ANO3: variants seen among roughly 807,000 people sequenced by gnomAD.
ANO3 encodes the protein anoctamin-3.
ANO3 carries 99 observed loss-of-function variants against 144.8 expected under a neutral mutation model. That is an observed-to-expected ratio of 0.68 (90% CI 0.58 to 0.81). ANO3 has a LOEUF of 0.81. Ranked by LOEUF, ANO3 falls within the 30% of genes least tolerant of loss-of-function variation. ANO3 has a pLI of 0.00. For synonymous variants in ANO3, 414 were observed against 392.6 expected (o/e 1.05, Z -0.64); for missense variants, 905 against 1,202.2 (o/e 0.75, Z 3.66).
chr11:26,547,407 C>T lies in ANO3; in HGVS notation c.1155-9C>T. 1 of 1,610,588 alleles carries T rather than the reference C, an allele frequency of 6.2e-7. No individual in the cohort carries two copies. Among genetic ancestry groups the T allele is most frequent in the South Asian group, 1.1e-5 (1 of 90,882 alleles). The stretch of plus-strand genomic sequence containing the variant: ...TTAACTCAGTCTAAGGATTTGCTTT[C>T]TCATGCAGGCTATACTTTGGTGAGA... On this transcript the variant is annotated splice_polypyrimidine_tract_variant and intron_variant, in intron 11 of 26. Coordinates refer to ENST00000256737, the MANE Select transcript of ANO3 (RefSeq NM_031418.4).
rs370456230 is a variant in ANO3 at position 26,262,652 on chromosome 11, G to A, written c.155-46993G>A. On this transcript the variant is annotated intron_variant, in intron 1 of 27. Coordinates refer to the ANO3 transcript ENST00000672621. ...TAATGGTATTGGGAGACAGTATTAGGACCTGTGAGAAGGCATTAGGTCGGA... is the reference window on the plus strand; with the variant it reads ...TAATGGTATTGGGAGACAGTATTAGAACCTGTGAGAAGGCATTAGGTCGGA... 2.0e-5 allele frequency among the ~76,000 whole-genome samples: 3 copies of A among 151,868 alleles called. No homozygotes were observed. In the East Asian group the frequency reaches 5.8e-4, roughly 29 times the overall value.
intron 1 of ANO3, among the ~76,000 whole-genome samples, chr11:26,302,313 G>A (rs919138504): frequency 2.0e-4 from 30 of 152,112 alleles, no homozygotes; most frequent in African/African-American, 6.5e-4. Flanking sequence ...TGGCCAACAC[G>A]GTGAAACCCC....
At chr11:26,460,255 T>C in intron 3 of ANO3, 1 of 297,966 alleles carries the variant, frequency 3.4e-6, no homozygotes, top group Non-Finnish European at 6.5e-6. Context: ...TAAGCATTTA[T>C]TGAAAAATTT....
At chr11:26,473,875 A>G (rs1859867929) in intron 4 of ANO3, 1 of 939,274 alleles carries the variant, frequency 1.1e-6, no homozygotes. Context: ...AGATGTTCTT[A>G]TAAAGAGATG....
intron 4 of ANO3, among the ~76,000 whole-genome samples, chr11:26,474,887 A>C (rs1012519820): frequency 2.0e-5 from 3 of 151,834 alleles, no homozygotes; most frequent in African/African-American, 7.2e-5. Context: ...GTGATGAGAA[A>C]AGTTCTACTC....
At chr11:26,419,343 A>G (rs1011304929) in intron 1 of ANO3, among the ~76,000 whole-genome samples, 1 of 152,256 alleles carries the variant, frequency 6.6e-6, no homozygotes, top group South Asian at 2.1e-4. Context: ...GTGTGGAATT[A>G]TGCTCTCAGA....
At chr11:26,342,738 C>A (rs1855396937) in intron 1 of ANO3, among the ~76,000 whole-genome samples, 2 of 152,176 alleles carry the variant, frequency 1.3e-5, no homozygotes, top group South Asian at 4.1e-4. Flanking sequence ...AAAGATGATC[C>A]ATTCCATGGA....
intron 1 of ANO3, among the ~76,000 whole-genome samples, chr11:26,333,258 A>G (rs1855103510): frequency 6.6e-6 from 1 of 150,554 alleles, no homozygotes; most frequent in Non-Finnish European, 1.5e-5. Flanking sequence ...TCTTTCATCA[A>G]CAGTTGTTTT....
chr11:26,317,708 C>T (rs370898542), intron 1 of ANO3, among the ~76,000 whole-genome samples: 7 of 152,120 alleles, frequency 4.6e-5, no homozygotes, highest in Non-Finnish European at 5.9e-5. Flanking sequence ...GGAGATTCCT[C>T]AAGGATCTAG....
At chr11:26,316,592 G>A (rs1303531901) in intron 1 of ANO3, among the ~76,000 whole-genome samples, 1 of 152,104 alleles carries the variant, frequency 6.6e-6, no homozygotes, top group East Asian at 1.9e-4. Flanking sequence ...TAGACAACCG[G>A]TTAGACCACA....
intron 4 of ANO3, among the ~76,000 whole-genome samples, chr11:26,496,390 A>G (rs190370158): frequency 1.3e-5 from 2 of 152,322 alleles, no homozygotes; most frequent in African/African-American, 4.8e-5. Context: ...GCTAATAAAA[A>G]GTCCACATTT....
intron 1 of ANO3, among the ~76,000 whole-genome samples, chr11:26,222,956 A>G (rs1852178751): frequency 6.6e-6 from 1 of 151,916 alleles, no homozygotes. Flanking sequence ...ATTATCTTTG[A>G]TATTAGCTGT....
chr11:26,277,989 T>C (rs1362801028), intron 1 of ANO3, among the ~76,000 whole-genome samples: 1 of 152,112 alleles, frequency 6.6e-6, no homozygotes, highest in African/African-American at 2.4e-5. Flanking sequence ...TGGTTTTCCT[T>C]GTAAGACATT....
intron 5 of ANO3, among the ~76,000 whole-genome samples, chr11:26,513,063 T>C (rs1357284140): frequency 6.7e-6 from 1 of 149,898 alleles, no homozygotes. Context: ...AAAAATACTA[T>C]AGAAAAAAAA....
chr11:26,413,163 G>T lies in ANO3; in HGVS notation c.47-28755G>T, dbSNP rs565634271. Among the ~76,000 whole-genome samples, 106 of 152,056 alleles carry T rather than the reference G, an allele frequency of 7.0e-4. 1 individual carries two copies. Among genetic ancestry groups the T allele is most frequent in the South Asian group, 1.5e-3 (7 of 4,824 alleles). On this transcript the variant is annotated intron_variant, in intron 1 of 26. Transcript: ENST00000256737. ...TACCAGTAGTACTGTGTTTTGGCTT[G>T]GCACTATGTTGCCCATGGTGATCAT...
intron 1 of ANO3, among the ~76,000 whole-genome samples, chr11:26,249,197 T>C (rs1852869565): frequency 6.6e-6 from 1 of 152,196 alleles, no homozygotes; most frequent in African/African-American, 2.4e-5. Context: ...TGGATATTGA[T>C]TGCCATGTTT....
chr11:26,216,790 T>A (rs559372696), intron 1 of ANO3, among the ~76,000 whole-genome samples: 1 of 152,198 alleles, frequency 6.6e-6, no homozygotes, highest in South Asian at 2.1e-4. Context: ...TGTATTTCAT[T>A]GTTGGGTAAC....
intron 14 of ANO3, among the ~76,000 whole-genome samples, chr11:26,593,617 T>A (rs1389244081): frequency 1.3e-5 from 2 of 152,332 alleles, no homozygotes; most frequent in African/African-American, 4.8e-5. Flanking sequence ...ATCTGGTTAG[T>A]GGCTTCTGAC....
intron 1 of ANO3, among the ~76,000 whole-genome samples, chr11:26,341,089 C>A (rs895406397): frequency 2.0e-5 from 3 of 152,008 alleles, no homozygotes; most frequent in Admixed American, 2.0e-4. Flanking sequence ...CCCCTCCCCT[C>A]CCCGCTTCTC....
Sources: allele counts gnomAD v4.1 joint callset (sites outside exome capture counted in the v4.1 genomes callset), GRCh38; gene constraint gnomAD v4.1.1; transcripts MANE v1.5; gene names NCBI Gene and HGNC (gene_info 2026-07-23, HGNC 2026-07-21).